Variants in ARHGAP21 observed in about 807,000 individuals in gnomAD.
ARHGAP21 encodes the protein rho GTPase-activating protein 21.
ARHGAP21 carries 38 observed loss-of-function variants against 164.6 expected under a neutral mutation model. That is an observed-to-expected ratio of 0.23 (90% confidence interval 0.18 to 0.30). The LOEUF is 0.30. Among genes scored for constraint, ARHGAP21 ranks in the 10% least tolerant of loss-of-function variants. ARHGAP21 has a pLI of 1.00. For synonymous variants in ARHGAP21, 766 were observed against 857.9 expected (o/e 0.89, Z 1.87); for missense variants, 1,822 against 2,370.7 (o/e 0.77, Z 4.81).
At position 24,584,933 on chromosome 10, in the gene ARHGAP21, G is replaced by A. The variant is rs1157794157; in HGVS notation, c.5356C>T (p.His1786Tyr). Residue 1786 changes from histidine to tyrosine, a missense_variant, in exon 26 of 26, where the codon CAC (histidine) becomes TAC (tyrosine). By Grantham distance (83) the His-to-Tyr change is moderately conservative. Coordinates refer to ENST00000396432, the MANE Select transcript of ARHGAP21 (RefSeq NM_020824.4). ...PADDMFGVGNHKVNAETAKRK... is the reference protein window; with the variant it reads ...PADDMFGVGNYKVNAETAKRK... ...TTAGCAGTCTCGGCATTCACTTTGT[G>A]ATTCCCTACTCCAAACATGTCATCC... 6.2e-7 allele frequency: 1 copy of A among 1,613,900 alleles called. No individual in the cohort carries two copies. The highest frequency in any genetic ancestry group is 8.5e-7 in the Non-Finnish European group (1 of 1,179,860).
At chr10:24,661,163 T>C (rs993938783) in intron 4 of ARHGAP21, among the ~76,000 whole-genome samples, 4 of 149,728 alleles carry the variant, frequency 2.7e-5, no homozygotes, top group Admixed American at 1.3e-4. Context: ...ATATTATAAA[T>C]TATTATTTAT....
intron 9 of ARHGAP21, among the ~76,000 whole-genome samples, chr10:24,611,037 T>G (rs1181214807): frequency 1.3e-5 from 2 of 152,246 alleles, no homozygotes; most frequent in African/African-American, 4.8e-5. Flanking sequence ...TCTCATCCTA[T>G]TTGTTCCTCT....
chr10:24,628,954 A>ATATT (rs1835500958), intron 7 of ARHGAP21: 1 of 8,878 alleles, frequency 1.1e-4, no homozygotes, highest in Non-Finnish European at 1.9e-4. Context: ...CACACACACT[A>ATATT]TATATATATA....
intron 2 of ARHGAP21, among the ~76,000 whole-genome samples, chr10:24,696,398 C>T (rs527664096): frequency 7.9e-5 from 12 of 152,290 alleles, no homozygotes; most frequent in Non-Finnish European, 1.3e-4. Context: ...ATTACAGGCA[C>T]CAACCCTCAA....
chr10:24,690,302 T>G (rs958489649), intron 2 of ARHGAP21, among the ~76,000 whole-genome samples: 3 of 152,294 alleles, frequency 2.0e-5, no homozygotes, highest in Admixed American at 6.5e-5. Context: ...GTTTTTAGTT[T>G]TAGACACAAT....
chr10:24,596,516 C>T (rs914055064), intron 17 of ARHGAP21: 3 of 595,590 alleles, frequency 5.0e-6, no homozygotes, highest in Non-Finnish European at 8.4e-6. Flanking sequence ...TCTTACAGAC[C>T]ATTTCAGACA....
intron 9 of ARHGAP21, among the ~76,000 whole-genome samples, chr10:24,615,154 C>A (rs1452953852): frequency 6.6e-6 from 1 of 152,198 alleles, no homozygotes; most frequent in Non-Finnish European, 1.5e-5. Context: ...CGTGTCATTG[C>A]ACTCCAGTTT....
chr10:24,634,357 G>C (rs755408290), intron 5 of ARHGAP21, among the ~76,000 whole-genome samples: 11 of 152,110 alleles, frequency 7.2e-5, no homozygotes, highest in Non-Finnish European at 1.5e-4. Context: ...AAAAGGCAGT[G>C]AAATATAGCT....
chr10:24,628,967 TATATATATATATATA>T (rs1255271596), intron 7 of ARHGAP21: 9 of 16,622 alleles, frequency 5.4e-4, no homozygotes, highest in African/African-American at 2.3e-3. Flanking sequence ...TATATATATA[TATATATATATATATA>T]TTTTTTTTTT....
At chr10:24,665,588 G>A (rs1437733114) in intron 4 of ARHGAP21, among the ~76,000 whole-genome samples, 3 of 152,160 alleles carry the variant, frequency 2.0e-5, no homozygotes, top group Admixed American at 2.0e-4. Flanking sequence ...TCAGATCAGT[G>A]ATTGTCTAAA....
At chr10:24,623,038 T>C (rs974848502) in intron 7 of ARHGAP21, among the ~76,000 whole-genome samples, 4 of 152,156 alleles carry the variant, frequency 2.6e-5, no homozygotes, top group Non-Finnish European at 5.9e-5. Flanking sequence ...ACAGATATTT[T>C]CTTCAATATG....
In ARHGAP21 at chr10:24,620,839, A is replaced by T; in HGVS notation, c.1056T>A (p.Ser352Arg). The change falls in exon 9 of 26, where the codon AGT becomes AGA. Residue 352 changes from serine (S) to arginine (R), a missense_variant. Coordinates refer to ENST00000396432, the MANE Select transcript of ARHGAP21 (RefSeq NM_020824.4). ...TGCTTGAGATTCCATCAGAATGTCC[A>T]CTGTAATTTCCAGACTTAAGTAAAA... ...SGILLKSGNY[S>R]GHSDGISSSR... 1 of 1,614,058 alleles carries T rather than the reference A, an allele frequency of 6.2e-7. No homozygotes were observed. Among genetic ancestry groups the T allele is most frequent in the Non-Finnish European group, 8.5e-7 (1 of 1,179,958 alleles).
At chr10:24,670,799 T>G (rs932677324) in intron 2 of ARHGAP21, among the ~76,000 whole-genome samples, 3 of 152,112 alleles carry the variant, frequency 2.0e-5, no homozygotes, top group Admixed American at 1.3e-4. Context: ...AACCTAAACC[T>G]TATCAGATAG....
At chr10:24,625,317 A>C (rs1480483498) in intron 7 of ARHGAP21, among the ~76,000 whole-genome samples, 1 of 151,082 alleles carries the variant, frequency 6.6e-6, no homozygotes, top group African/African-American at 2.4e-5. Context: ...AAAAAAAAAA[A>C]AAAAAACCTG....
chr10:24,710,585 A>G (rs1460405826), intron 2 of ARHGAP21, among the ~76,000 whole-genome samples: 1 of 50,486 alleles, frequency 2.0e-5, no homozygotes, highest in Non-Finnish European at 3.7e-5. Flanking sequence ...CTATGTCTGT[A>G]TTTTTATGCT....
chr10:24,622,214 T>G (rs981524990), intron 8 of ARHGAP21, among the ~76,000 whole-genome samples: 1 of 151,754 alleles, frequency 6.6e-6, no homozygotes, highest in Non-Finnish European at 1.5e-5. Flanking sequence ...AAATCAACTA[T>G]AGAGACTTTA....
chr10:24,636,964 A>T (rs1488078765), intron 4 of ARHGAP21, among the ~76,000 whole-genome samples: 2 of 152,250 alleles, frequency 1.3e-5, no homozygotes, highest in Non-Finnish European at 2.9e-5. Context: ...TAATATCCAT[A>T]GCATAGAGCA....
intron 8 of ARHGAP21, among the ~76,000 whole-genome samples, chr10:24,622,211 C>T (rs971082617): frequency 6.6e-6 from 1 of 151,598 alleles, no homozygotes; most frequent in Non-Finnish European, 1.5e-5. Context: ...CAGAAATCAA[C>T]TATAGAGACT....
chr10:24,697,383 G>C (rs1195717472), intron 2 of ARHGAP21, among the ~76,000 whole-genome samples: 1 of 152,066 alleles, frequency 6.6e-6, no homozygotes, highest in Non-Finnish European at 1.5e-5. Context: ...AAAAGAAAGA[G>C]ACACCTTTTG....
Sources: allele counts gnomAD v4.1 joint callset (sites outside exome capture counted in the v4.1 genomes callset), GRCh38; gene constraint gnomAD v4.1.1; transcripts MANE v1.5; gene names NCBI Gene and HGNC (gene_info 2026-07-23, HGNC 2026-07-21).